RRBP1: variants seen among roughly 807,000 people sequenced by gnomAD.
The protein encoded by RRBP1 is ribosome-binding protein 1.
Under a neutral mutation model 165.2 loss-of-function variants are expected in RRBP1, and 94 were observed. That is an observed-to-expected ratio of 0.57 (90% CI 0.48 to 0.68). The LOEUF is 0.68. Among genes scored for constraint, RRBP1 ranks in the 30% least tolerant of loss-of-function variants. RRBP1 has a pLI of 0.00. For missense variants in RRBP1, 1,676 were observed against 1,763.0 expected, an observed-to-expected ratio of 0.95 and a Z score of 0.88; for synonymous variants, 680 against 714.5, an observed-to-expected ratio of 0.95 and a Z score of 0.77.
At chr20:17,645,237 G>A (rs2036442328) in intron 3 of RRBP1, among the ~76,000 whole-genome samples, 1 of 152,204 alleles carries the variant, frequency 6.6e-6, no homozygotes, top group Non-Finnish European at 1.5e-5. Context: ...CTGCACAGGG[G>A]CAGCATGGCC....
At chr20:17,668,552 T>C (rs996618031) in intron 2 of RRBP1, among the ~76,000 whole-genome samples, 1 of 152,204 alleles carries the variant, frequency 6.6e-6, no homozygotes, top group African/African-American at 2.4e-5. Flanking sequence ...TGGTCTCCTC[T>C]TACAAATTAT....
intron 5 of RRBP1, among the ~76,000 whole-genome samples, chr20:17,637,551 A>G (rs894143202): frequency 6.6e-6 from 1 of 152,214 alleles, no homozygotes; most frequent in African/African-American, 2.4e-5. Flanking sequence ...CCAGGGCACA[A>G]GCGTCCCACC....
chr20:17,653,315 C>T (rs2036590893), intron 3 of RRBP1, among the ~76,000 whole-genome samples: 1 of 152,278 alleles, frequency 6.6e-6, no homozygotes, highest in South Asian at 2.1e-4. Flanking sequence ...AGCTGCAAAG[C>T]AGCTGGGAGC....
chr20:17,678,027 T>C (rs906511583), intron 2 of RRBP1, among the ~76,000 whole-genome samples: 2 of 152,130 alleles, frequency 1.3e-5, no homozygotes, highest in African/African-American at 4.8e-5. Flanking sequence ...AAGTTAGAAA[T>C]CACAAAATGT....
intron 1 of RRBP1, among the ~76,000 whole-genome samples, chr20:17,681,534 G>A (rs1475818178): frequency 1.9e-5 from 1 of 52,302 alleles, no homozygotes; most frequent in South Asian, 8.9e-4. Flanking sequence ...GCCGGCCTCC[G>A]CCGCCTTCCG....
At chr20:17,670,379 A>C (rs959639643) in intron 2 of RRBP1, among the ~76,000 whole-genome samples, 4 of 151,472 alleles carry the variant, frequency 2.6e-5, no homozygotes, top group South Asian at 2.1e-4. Context: ...GGCTGGCATC[A>C]AAATGAGTAG....
chr20:17,637,974 T>C (rs990254537), intron 5 of RRBP1, among the ~76,000 whole-genome samples: 5 of 152,120 alleles, frequency 3.3e-5, no homozygotes, highest in Non-Finnish European at 7.4e-5. Flanking sequence ...AGGACACACT[T>C]GTCCAAGGCT....
intron 1 of RRBP1, among the ~76,000 whole-genome samples, chr20:17,680,929 C>T (rs994455332): frequency 6.6e-6 from 1 of 152,122 alleles, no homozygotes; most frequent in Admixed American, 6.5e-5. Context: ...AATGGAGACC[C>T]CGAACGAAAC....
In RRBP1 at chr20:17,620,738, C is replaced by T. The variant is rs1021672375; in HGVS notation, c.3484G>A (p.Ala1162Thr). ...EEQVWRAKVG[A>T]AEEELQKSRV... The stretch of plus-strand genomic sequence containing the variant: ...ACCTTCTGGAGCTCCTCCTCTGCGG[C>T]GCCCACCTTGGCCCTCCACACCTGC... Residue 1162 changes from alanine (A) to threonine (T), a missense_variant, in exon 17 of 25, where the codon GCC (alanine) becomes ACC (threonine). Around this residue, in one of 5 missense-constraint regions of RRBP1, gnomAD observed 1,184 missense variants for 1,167.1 expected, o/e 1.01. Transcript: ENST00000377813. 34 of 1,607,322 alleles carry T rather than the reference C, an allele frequency of 2.1e-5. No individual in the cohort carries two copies. Among genetic ancestry groups the T allele is most frequent in the Middle Eastern group, 1.6e-4 (1 of 6,062 alleles).
chr20:17,630,436 G>C (rs2036126464), intron 8 of RRBP1, among the ~76,000 whole-genome samples: 1 of 152,160 alleles, frequency 6.6e-6, no homozygotes, highest in Admixed American at 6.5e-5. Flanking sequence ...CTTAATATTA[G>C]GTTGAACCAC....
intron 8 of RRBP1, 107 bp downstream of exon 8, chr20:17,633,353 G>A: frequency 8.1e-7 from 1 of 1,236,006 alleles, no homozygotes; most frequent in East Asian, 2.3e-5. Flanking sequence ...GTCAAGGCTA[G>A]AAACGGGTGC....
At chr20:17,615,336 G>C in intron 23 of RRBP1, 95 bp downstream of exon 23, 1 of 997,192 alleles carries the variant, frequency 1.0e-6, no homozygotes, top group Non-Finnish European at 1.5e-6. Flanking sequence ...CGGTGGGGTC[G>C]GCTCTCCCCT....
chr20:17,661,750 T>C (rs1322677009), intron 2 of RRBP1, among the ~76,000 whole-genome samples: 3 of 152,136 alleles, frequency 2.0e-5, no homozygotes, highest in Non-Finnish European at 2.9e-5. Context: ...AGCATTGCCC[T>C]GCAAAACCTC....
At chr20:17,634,374 T>G (rs1267446230) in intron 7 of RRBP1, among the ~76,000 whole-genome samples, 1 of 152,114 alleles carries the variant, frequency 6.6e-6, no homozygotes, top group African/African-American at 2.4e-5. Context: ...TGCGGGGTGG[T>G]GGGTCCCACC....
At position 17,670,731 on chromosome 20, in the gene RRBP1, T is replaced by C. The variant is rs79857809; in HGVS notation, c.-22+9268A>G. ...AGTTCCTTTAGCAAAGATCTGTCAG[T>C]AGCTATCTTGGGTTTTTGTCTTAAA... is the stretch of plus-strand genomic sequence containing the variant. On this transcript the variant is annotated intron_variant, in intron 2 of 24. Transcript: ENST00000377813. 1.4e-3 allele frequency among the ~76,000 whole-genome samples: 207 copies of C among 152,356 alleles called. 1 individual carries two copies. The highest frequency in any genetic ancestry group is 4.7e-3 in the African/African-American group (196 of 41,588).
intron 2 of RRBP1, among the ~76,000 whole-genome samples, chr20:17,666,341 TAAAA>T (rs77772144): frequency 7.0e-6 from 1 of 142,532 alleles, no homozygotes; most frequent in Non-Finnish European, 1.5e-5. Context: ...CCCTGTCTCT[TAAAA>T]AAAAAAAAAA....
Position 17,615,925 on chromosome 20 carries a change from C to T in RRBP1, c.3951+1G>A, listed in dbSNP as rs1221015124. 1 of 1,609,400 alleles carries T rather than the reference C, an allele frequency of 6.2e-7. No homozygotes were observed. Among genetic ancestry groups the T allele is most frequent in the African/African-American group, 1.3e-5 (1 of 75,058 alleles). ...CTGAGAGCCACCAGGCAGGGCCTGA[C>T]CTCCTCAAACTCGGCCGTGAGCTTC... On this transcript the variant is annotated splice_donor_variant, in intron 22 of 24. Coordinates refer to ENST00000377813, the MANE Select transcript of RRBP1 (RefSeq NM_001365613.2). LOFTEE classifies it high-confidence loss of function.
rs745694 is a variant in RRBP1, at chr20:17,680,233, G to A, written c.-98-158C>T. ...TTAAATCAAACAAGGAGTGTGAGGA[G>A]GGAGGCGGGGCAGTGGGAGAATGCC... On this transcript the variant is annotated intron_variant, in intron 1 of 24. Coordinates refer to ENST00000377813, the MANE Select transcript of RRBP1 (RefSeq NM_001365613.2). Among the ~76,000 whole-genome samples the A allele has an allele frequency of 2.6e-5, 4 of 152,348 alleles. No individual in the cohort carries two copies. The East Asian group carries it at 7.7e-4, about 29-fold the overall frequency.
Position 17,614,778 on chromosome 20 carries a change from TCTC to T in RRBP1, c.4150_4152del (p.Glu1384del). 1 of 1,613,656 alleles carries T rather than the reference TCTC, an allele frequency of 6.2e-7. No homozygotes were observed. On this transcript the variant is annotated inframe_deletion, in exon 24 of 25. Coordinates refer to ENST00000377813, the MANE Select transcript of RRBP1 (RefSeq NM_001365613.2). ...TCCTGCAGCTTCTTCACCGTGTCCTTCTCCCTTGCCAGCTGCTCCTGGGTCGTC... is the reference window on the plus strand; with the variant it reads ...TCCTGCAGCTTCTTCACCGTGTCCTTCCTTGCCAGCTGCTCCTGGGTCGTC...
Sources: allele counts gnomAD v4.1 joint callset (sites outside exome capture counted in the v4.1 genomes callset), GRCh38; gene constraint gnomAD v4.1.1; regional missense constraint gnomAD v4.1.1; transcripts MANE v1.5; gene names NCBI Gene and HGNC (gene_info 2026-07-23, HGNC 2026-07-21).